Variants in ESR1 observed in about 807,000 individuals in gnomAD.
The protein encoded by ESR1 is estrogen receptor 1.
Under a neutral mutation model 52.7 loss-of-function variants are expected in ESR1, and 12 were observed. The ratio of observed to expected loss-of-function variants is 0.23; its 90% CI spans 0.15 to 0.37. The LOEUF is 0.37. Ranked by LOEUF, ESR1 falls within the 10% of genes least tolerant of loss-of-function variation. ESR1 has a pLI of 1.00. For missense variants in ESR1, 584 were observed against 779.7 expected (o/e 0.75, Z 2.99); for synonymous variants, 305 against 316.8 (o/e 0.96, Z 0.39).
intron 1 of ESR1, among the ~76,000 whole-genome samples, chr6:151,818,281 G>C (rs1779994145): frequency 6.6e-6 from 1 of 152,126 alleles, no homozygotes; most frequent in South Asian, 2.1e-4. Context: ...ATGTATAAAT[G>C]CAAGTGTTTG....
chr6:151,927,118 G>A (rs767716390), intron 3 of ESR1, among the ~76,000 whole-genome samples: 17 of 151,924 alleles, frequency 1.1e-4, no homozygotes, highest in Non-Finnish European at 1.5e-4. Context: ...GACTTTTCCC[G>A]TTTTCACTGT....
intron 3 of ESR1, among the ~76,000 whole-genome samples, chr6:151,929,607 C>T (rs2033283296): frequency 6.6e-6 from 1 of 151,824 alleles, no homozygotes; most frequent in Non-Finnish European, 1.5e-5. Flanking sequence ...ACATGTATCC[C>T]AGAATTTAAA....
intron 2 of ESR1, among the ~76,000 whole-genome samples, chr6:151,845,441 C>A (rs1784954998): frequency 6.6e-6 from 1 of 151,996 alleles, no homozygotes; most frequent in African/African-American, 2.4e-5. Flanking sequence ...TGGTGGTGCA[C>A]ACCTGTAGTC....
chr6:151,992,513 C>T (rs111431405), intron 4 of ESR1, among the ~76,000 whole-genome samples: 1 of 152,164 alleles, frequency 6.6e-6, no homozygotes, highest in Non-Finnish European at 1.5e-5. Flanking sequence ...GCACCCAATA[C>T]ATAGAAGACA....
At chr6:152,052,507 T>C (rs2046768068) in intron 5 of ESR1, among the ~76,000 whole-genome samples, 2 of 152,206 alleles carry the variant, frequency 1.3e-5, no homozygotes, top group Admixed American at 1.3e-4. Flanking sequence ...GGTTACATTT[T>C]GTTCAAAGCT....
At chr6:151,994,373 A>G (rs890369677) in intron 4 of ESR1, among the ~76,000 whole-genome samples, 2 of 152,162 alleles carry the variant, frequency 1.3e-5, no homozygotes, top group Admixed American at 1.3e-4. Context: ...TTGTCATTTA[A>G]AAAAATAAGC....
chr6:152,025,615 C>T (rs575230077), intron 5 of ESR1, among the ~76,000 whole-genome samples: 60 of 151,932 alleles, frequency 3.9e-4, no homozygotes, highest in African/African-American at 1.3e-3. Flanking sequence ...TGTATTTATG[C>T]TTCTTTTAGA....
chr6:152,098,156 A>G lies in ESR1; in HGVS notation c.1554-576A>G, dbSNP rs2152504388. ...TCAGTGTGGCTCCGGAGAGCACATT[A>G]GGGGAGAGAGGCAGGAAGAGCTTGG... On this transcript the variant is annotated intron_variant, in intron 7 of 7. Transcript: ENST00000206249. This position sits in a 1 kb window ranked among gnomAD's most constrained non-coding sequence, Gnocchi z 5.1. Among the ~76,000 whole-genome samples the G allele has an allele frequency of 6.6e-6, 1 of 152,256 alleles. No individual in the cohort carries two copies. The highest frequency in any genetic ancestry group is 3.4e-3 in the Middle Eastern group (1 of 294).
Position 151,988,772 on chromosome 6 carries a change from G to A in ESR1, c.1097-22884G>A, listed in dbSNP as rs943443457. On this transcript the variant is annotated intron_variant, in intron 4 of 7. Coordinates refer to ENST00000206249, the MANE Select transcript of ESR1 (RefSeq NM_000125.4). Reference sequence around the variant, plus strand: ...CTCCAAAAAGGATATATTTGCATCGGAGTTATATTTGTATATGAGTATATA... The same window carrying A: ...CTCCAAAAAGGATATATTTGCATCGAAGTTATATTTGTATATGAGTATATA... Among the ~76,000 whole-genome samples the A allele has an allele frequency of 5.9e-5, 9 of 151,798 alleles. 1 individual carries two copies. The highest frequency in any genetic ancestry group is 2.2e-4 in the African/African-American group (9 of 41,256).
intron 3 of ESR1, among the ~76,000 whole-genome samples, chr6:151,926,276 TC>T (rs1020455232): frequency 6.6e-6 from 1 of 152,190 alleles, no homozygotes; most frequent in African/African-American, 2.4e-5. Flanking sequence ...GTGCAAGTGC[TC>T]CACCTTCTTC....
In ESR1 at chr6:151,944,343, A is replaced by C. The variant is rs2128528048; in HGVS notation, c.931A>C (p.Thr311Pro). Residue 311 changes from threonine (T) to proline (P), a missense_variant, in exon 4 of 8, where the codon ACG becomes CCG. Physicochemically the swap from Thr to Pro is conservative, Grantham distance 38. Transcript: ENST00000206249. Reference protein sequence around the residue: ...SKKNSLALSLTADQMVSALLD... With the variant: ...SKKNSLALSLPADQMVSALLD... Reference sequence around the variant, plus strand: ...GAAGAACAGCCTGGCCTTGTCCCTGACGGCCGACCAGATGGTCAGTGCCTT... The same window carrying C: ...GAAGAACAGCCTGGCCTTGTCCCTGCCGGCCGACCAGATGGTCAGTGCCTT... 6.2e-7 allele frequency: 1 copy of C among 1,614,086 alleles called. No homozygotes were observed. The highest frequency in any genetic ancestry group is 8.5e-7 in the Non-Finnish European group (1 of 1,180,008).
chr6:151,715,734 T>C (rs1281746679), intron 2 of ESR1, among the ~76,000 whole-genome samples: 1 of 152,236 alleles, frequency 6.6e-6, no homozygotes, highest in East Asian at 1.9e-4. Flanking sequence ...GCAATTCCTC[T>C]ATCCTTTTTT....
chr6:151,947,796 T>TC (rs1261742916), intron 4 of ESR1, among the ~76,000 whole-genome samples: 1 of 152,150 alleles, frequency 6.6e-6, no homozygotes, highest in East Asian at 1.9e-4. Flanking sequence ...TGATTTTTTT[T>TC]CTCTTTGCAG....
At chr6:151,859,883 A>C (rs1369794346) in intron 2 of ESR1, among the ~76,000 whole-genome samples, 2 of 151,966 alleles carry the variant, frequency 1.3e-5, no homozygotes, top group African/African-American at 4.8e-5. Flanking sequence ...CTGAACTTCC[A>C]TTTCCTCAAT....
chr6:151,719,122 T>C (rs76199357), intron 2 of ESR1, among the ~76,000 whole-genome samples: 3,117 of 152,320 alleles, frequency 0.02, 37 homozygotes, highest in East Asian at 0.032. Context: ...AGTAGTGTTC[T>C]GGATGCTCGG....
chr6:152,103,165 C>G lies in ESR1; in HGVS notation c.*4199C>G, dbSNP rs1002042160. ...CGCAGCTTTGCTTTGTTTAATGAAA[C>G]ACACTTGTAAACCTCTTTTGCACTT... is the stretch of plus-strand genomic sequence containing the variant. On this transcript the variant is annotated 3_prime_UTR_variant, in exon 8 of 8. Transcript: ENST00000206249. The G allele has an allele frequency of 4.9e-6, 1 of 205,450 alleles. No homozygotes were observed. Among genetic ancestry groups the G allele is most frequent in the African/African-American group, 2.3e-5 (1 of 43,780 alleles). 12.7% of individuals were successfully genotyped at this position (205,450 alleles called of 1,614,324 possible). A position where few individuals can be genotyped will look rare whatever the true frequency, so the allele number is the denominator to read the frequency against.
intron 4 of ESR1, among the ~76,000 whole-genome samples, chr6:151,961,368 G>A (rs548961114): frequency 2.0e-4 from 31 of 152,294 alleles, no homozygotes; most frequent in Middle Eastern, 3.4e-3. Context: ...ATTGGGTCAA[G>A]TAGGGTGAGA....
intron 2 of ESR1, among the ~76,000 whole-genome samples, chr6:151,710,279 T>C (rs112260064): frequency 1.3e-5 from 2 of 152,030 alleles, no homozygotes; most frequent in Admixed American, 1.3e-4. Context: ...CTTTTTTTTT[T>C]TCAGTCCAAA....
At position 152,002,883 on chromosome 6, in the gene ESR1, A is replaced by T. The variant is rs1478351479; in HGVS notation, c.1097-8773A>T. 2.0e-5 allele frequency among the ~76,000 whole-genome samples: 3 copies of T among 152,170 alleles called. No homozygotes were observed. In the East Asian group the frequency reaches 5.8e-4, roughly 30 times the overall value. The stretch of plus-strand genomic sequence containing the variant: ...GTTCTGTCACTCCCAGGAGATTTTG[A>T]TAAGAGAGAGTACAAAATTTCATAA... On this transcript the variant is annotated intron_variant, in intron 4 of 7. Transcript: ENST00000206249.
Sources: allele counts gnomAD v4.1 joint callset (sites outside exome capture counted in the v4.1 genomes callset), GRCh38; gene constraint gnomAD v4.1.1; non-coding constraint Gnocchi (gnomAD v3.1); transcripts MANE v1.5; gene names NCBI Gene and HGNC (gene_info 2026-07-23, HGNC 2026-07-21).